The following TIMD4 variants were observed in gnomAD, a reference collection of about 807,000 sequenced individuals.
TIMD4 encodes the protein T cell immunoglobulin and mucin domain containing 4.
Under a neutral mutation model 41.2 loss-of-function variants are expected in TIMD4, and 31 were observed. The observed-to-expected ratio is 0.75, with a 90% CI of 0.57 to 1.01. TIMD4 has a LOEUF of 1.01. TIMD4 is among the 50% of genes least tolerant of loss of function. The probability of loss-of-function intolerance (pLI) is 0.00; values close to 1 mark genes in which losing one functional copy is unlikely to be tolerated. For synonymous variants in TIMD4, 204 were observed against 177.1 expected (o/e 1.15, Z -1.21); for missense variants, 479 against 472.5 (o/e 1.01, Z -0.13).
chr5:156,959,947 G>T (rs1760048001), intron 1 of TIMD4, among the ~76,000 whole-genome samples: 1 of 152,062 alleles, frequency 6.6e-6, no homozygotes, highest in African/African-American at 2.4e-5. Context: ...GGAGGCTGGG[G>T]CAGGAGAATT....
At chr5:156,948,277 A>G in intron 5 of TIMD4, 139 bp downstream of exon 5, 1 of 388,464 alleles carries the variant, frequency 2.6e-6, no homozygotes, top group Non-Finnish European at 3.9e-6. Context: ...ACTTGAGGCC[A>G]AGAGATTTGA....
intron 5 of TIMD4, among the ~76,000 whole-genome samples, chr5:156,930,543 G>T (rs1346046277): frequency 2.0e-5 from 3 of 152,226 alleles, no homozygotes; most frequent in African/African-American, 7.2e-5. Flanking sequence ...GTAGAAAAAG[G>T]ATAGTTTAGG....
At chr5:156,956,090 A>G (rs1474120703) in intron 1 of TIMD4, among the ~76,000 whole-genome samples, 3 of 152,206 alleles carry the variant, frequency 2.0e-5, no homozygotes, top group Admixed American at 6.5e-5. Flanking sequence ...AGTCTAACTG[A>G]AACTTTGTAC....
At chr5:156,952,301 A>C (rs1031406183) in intron 2 of TIMD4, among the ~76,000 whole-genome samples, 4 of 151,886 alleles carry the variant, frequency 2.6e-5, no homozygotes, top group African/African-American at 9.7e-5. Flanking sequence ...AAAAAAAAAA[A>C]AAAAGTCAAA....
intron 5 of TIMD4, among the ~76,000 whole-genome samples, chr5:156,940,581 T>C (rs1365289338): frequency 7.1e-6 from 1 of 141,138 alleles, no homozygotes; most frequent in Non-Finnish European, 1.5e-5. Flanking sequence ...CCGTCTGGGA[T>C]GTGAGGAGCG....
chr5:156,944,455 G>A (rs1275814330), intron 5 of TIMD4, among the ~76,000 whole-genome samples: 2 of 150,050 alleles, frequency 1.3e-5, no homozygotes, highest in Non-Finnish European at 3.0e-5. Flanking sequence ...TCTAAAAGCT[G>A]GGTATGACTC....
chr5:156,949,421 TC>T (rs1561552121), intron 4 of TIMD4, among the ~76,000 whole-genome samples: 3 of 17,772 alleles, frequency 1.7e-4, no homozygotes, highest in Admixed American at 1.8e-3. Flanking sequence ...CCTACCTCCC[TC>T]CTCCTCCTCC....
intron 5 of TIMD4, among the ~76,000 whole-genome samples, chr5:156,939,372 T>C (rs1426790198): frequency 6.6e-6 from 1 of 152,244 alleles, no homozygotes; most frequent in Non-Finnish European, 1.5e-5. Context: ...GTAAGTGTCA[T>C]TTATGAGCAA....
At chr5:156,919,713 G>A (rs1442087128) in intron 8 of TIMD4, among the ~76,000 whole-genome samples, 172 bp from the exon 9 acceptor site, 3 of 152,176 alleles carry the variant, frequency 2.0e-5, no homozygotes, top group African/African-American at 7.2e-5. Flanking sequence ...AGGGGAAAAA[G>A]AGTTTCTGCC....
chr5:156,939,650 G>T (rs1759603507), intron 5 of TIMD4, among the ~76,000 whole-genome samples: 1 of 152,136 alleles, frequency 6.6e-6, no homozygotes, highest in Admixed American at 6.5e-5. Flanking sequence ...CTTCCTCATG[G>T]AGCTGCTTTA....
At chr5:156,940,370 G>A (rs1759620571) in intron 5 of TIMD4, among the ~76,000 whole-genome samples, 1 of 152,212 alleles carries the variant, frequency 6.6e-6, no homozygotes, top group African/African-American at 2.4e-5. Context: ...CCTCTGCCCG[G>A]CCGCCACCCC....
intron 6 of TIMD4, among the ~76,000 whole-genome samples, chr5:156,923,431 G>A (rs962850884): frequency 6.6e-6 from 1 of 150,900 alleles, no homozygotes; most frequent in Non-Finnish European, 1.5e-5. Context: ...TTATAGGCAT[G>A]AGCCACTGCA....
intron 5 of TIMD4, among the ~76,000 whole-genome samples, chr5:156,937,761 G>T (rs1223366537): frequency 6.6e-6 from 1 of 152,084 alleles, no homozygotes; most frequent in African/African-American, 2.4e-5. Flanking sequence ...TGTACAGTTG[G>T]TAGACTAGAA....
intron 5 of TIMD4, among the ~76,000 whole-genome samples, chr5:156,941,052 A>G (rs1207592127): frequency 2.0e-5 from 3 of 152,254 alleles, no homozygotes; most frequent in African/African-American, 7.2e-5. Context: ...TGCTGTGTCA[A>G]CTCAGGGTTA....
intron 5 of TIMD4, among the ~76,000 whole-genome samples, chr5:156,943,700 A>G (rs1027289598): frequency 2.0e-5 from 3 of 152,096 alleles, no homozygotes; most frequent in South Asian, 2.1e-4. Context: ...AGTAGAGAGG[A>G]GGCCTTTTGG....
At chr5:156,961,686 C>T (rs2113403176) in intron 1 of TIMD4, among the ~76,000 whole-genome samples, 1 of 151,490 alleles carries the variant, frequency 6.6e-6, no homozygotes, top group Non-Finnish European at 1.5e-5. Flanking sequence ...GCCCATAGTC[C>T]CAGCTACTTG....
intron 5 of TIMD4, among the ~76,000 whole-genome samples, chr5:156,931,571 G>GTTTCTAT (rs1227546909): frequency 1.3e-5 from 2 of 152,216 alleles, no homozygotes; most frequent in African/African-American, 4.8e-5. Context: ...TCTATAGGAT[G>GTTTCTAT]AGAATACATT....
intron 6 of TIMD4, among the ~76,000 whole-genome samples, chr5:156,923,881 A>C (rs931688268): frequency 2.6e-5 from 4 of 151,716 alleles, no homozygotes; most frequent in Non-Finnish European, 5.9e-5. Flanking sequence ...TCTGTTGCCT[A>C]CGTTGTAGTG....
chr5:156,921,198 T>A (rs559735377), intron 7 of TIMD4, among the ~76,000 whole-genome samples: 1 of 152,112 alleles, frequency 6.6e-6, no homozygotes, highest in South Asian at 2.1e-4. Flanking sequence ...CTACAGACCT[T>A]GTCCCCTGAA....
Sources: allele counts gnomAD v4.1 joint callset (sites outside exome capture counted in the v4.1 genomes callset), GRCh38; gene constraint gnomAD v4.1.1; transcripts MANE v1.5; gene names NCBI Gene and HGNC (gene_info 2026-07-23, HGNC 2026-07-21).